KLHL32: variants seen among roughly 807,000 people sequenced by gnomAD.
KLHL32 encodes kelch-like protein 32.
In KLHL32, 35 loss-of-function variants were observed where a neutral mutation model predicts 64.8. That is an observed-to-expected ratio of 0.54 (90% CI 0.41 to 0.72). KLHL32 has a LOEUF of 0.72. Among genes scored for constraint, KLHL32 ranks in the 30% least tolerant of loss-of-function variants. The pLI is 0.00. For missense variants in KLHL32, 589 were observed against 768.5 expected (o/e 0.77, Z 2.76); for synonymous variants, 259 against 281.0 (o/e 0.92, Z 0.78).
At chr6:97,042,179 GTTT>G in intron 4 of KLHL32, among the ~76,000 whole-genome samples, 1 of 152,302 alleles carries the variant, frequency 6.6e-6, no homozygotes, top group East Asian at 1.9e-4. Context: ...CAGACTGGAT[GTTT>G]AGCTCCCCTT....
At chr6:97,022,198 A>C (rs1782089209) in intron 3 of KLHL32, among the ~76,000 whole-genome samples, 1 of 150,942 alleles carries the variant, frequency 6.6e-6, no homozygotes, top group Admixed American at 6.6e-5. Flanking sequence ...ACTCTTATGC[A>C]GAATAACAGC....
intron 1 of KLHL32, among the ~76,000 whole-genome samples, chr6:96,929,063 A>AT (rs1769522265): frequency 6.6e-6 from 1 of 152,208 alleles, no homozygotes; most frequent in South Asian, 2.1e-4. Context: ...GAAATGTGAC[A>AT]AGCAAGTGGG....
At chr6:96,944,226 A>G (rs907755671) in intron 1 of KLHL32, among the ~76,000 whole-genome samples, 1 of 152,230 alleles carries the variant, frequency 6.6e-6, no homozygotes, top group Non-Finnish European at 1.5e-5. Flanking sequence ...AATGTTACCT[A>G]TGAGGCATGC....
At chr6:96,984,569 G>T (rs113960252) in intron 3 of KLHL32, among the ~76,000 whole-genome samples, 1,688 of 152,240 alleles carry the variant, frequency 0.011, 41 homozygotes, top group African/African-American at 0.039. Context: ...CCTGTATTGG[G>T]TGCATATATA....
At chr6:97,086,895 T>G (rs1036727060) in intron 6 of KLHL32, among the ~76,000 whole-genome samples, 6 of 152,222 alleles carry the variant, frequency 3.9e-5, no homozygotes, top group Non-Finnish European at 8.8e-5. Flanking sequence ...CTGCATTTAA[T>G]TTTTTCTAAC....
At chr6:97,006,311 C>A (rs900147963) in intron 3 of KLHL32, among the ~76,000 whole-genome samples, 2 of 151,812 alleles carry the variant, frequency 1.3e-5, no homozygotes, top group South Asian at 2.1e-4. Flanking sequence ...GTCTTTTTTG[C>A]CTGATACTAG....
At chr6:97,028,103 G>C (rs1004828486) in intron 3 of KLHL32, among the ~76,000 whole-genome samples, 2 of 152,090 alleles carry the variant, frequency 1.3e-5, no homozygotes, top group Admixed American at 1.3e-4. Flanking sequence ...TGCAAGGCGG[G>C]GAGGACTGAC....
chr6:96,929,801 C>G (rs1259581307), intron 1 of KLHL32, among the ~76,000 whole-genome samples: 1 of 152,052 alleles, frequency 6.6e-6, no homozygotes, highest in Non-Finnish European at 1.5e-5. Flanking sequence ...GGAAAAAAAA[C>G]AGTTTTGCAG....
chr6:96,968,539 G>A (rs145130949), intron 2 of KLHL32, among the ~76,000 whole-genome samples: 1 of 152,224 alleles, frequency 6.6e-6, no homozygotes, highest in East Asian at 1.9e-4. Flanking sequence ...TGGCTACCAG[G>A]ATCAGTGTGC....
At chr6:96,997,368 C>G (rs1247341577) in intron 3 of KLHL32, among the ~76,000 whole-genome samples, 1 of 152,084 alleles carries the variant, frequency 6.6e-6, no homozygotes, top group Non-Finnish European at 1.5e-5. Flanking sequence ...AAACCCCTCT[C>G]CAGAATTTAT....
In KLHL32 at chr6:97,139,516, A is replaced by G. The variant is rs1800454418; in HGVS notation, c.*234A>G. ...TTTATTGTGGTATAGCTTAGTGCCA[A>G]TTTAAGGTATATTGTGTTCCATGGG... On this transcript the variant is annotated 3_prime_UTR_variant, in exon 11 of 11. Coordinates refer to ENST00000369261, the MANE Select transcript of KLHL32 (RefSeq NM_052904.4). 2 of 459,434 alleles carry G rather than the reference A, an allele frequency of 4.4e-6. No homozygotes were observed. The highest frequency in any genetic ancestry group is 4.0e-5 in the African/African-American group (2 of 50,192). 28.5% of individuals were successfully genotyped at this position (459,434 alleles called of 1,614,324 possible). A position where few individuals can be genotyped will look rare whatever the true frequency, so the allele number is the denominator to read the frequency against.
chr6:96,993,110 C>G (rs186729554), intron 3 of KLHL32, among the ~76,000 whole-genome samples: 25 of 152,298 alleles, frequency 1.6e-4, no homozygotes, highest in African/African-American at 5.3e-4. Context: ...TAGGCTGAGC[C>G]CTATGGAGCT....
intron 6 of KLHL32, among the ~76,000 whole-genome samples, chr6:97,102,530 AT>A (rs1795861849): frequency 2.6e-5 from 4 of 152,108 alleles, no homozygotes; most frequent in Admixed American, 2.6e-4. Context: ...CTATCATTTT[AT>A]TTAGAAGTCT....
intron 4 of KLHL32, among the ~76,000 whole-genome samples, chr6:97,045,461 G>A (rs1056529649): frequency 3.3e-5 from 5 of 151,122 alleles, no homozygotes; most frequent in African/African-American, 9.8e-5. Flanking sequence ...CTTCACAGGT[G>A]TGCCATGGGA....
chr6:96,999,213 T>C (rs1355310262), intron 3 of KLHL32, among the ~76,000 whole-genome samples: 1 of 152,070 alleles, frequency 6.6e-6, no homozygotes, highest in East Asian at 1.9e-4. Context: ...CTATGCGACA[T>C]AGGGACACCC....
chr6:96,909,064 G>A, the KLHL32 span, among the ~76,000 whole-genome samples: 2 of 152,116 alleles, frequency 1.3e-5, no homozygotes, highest in African/African-American at 4.8e-5. Flanking sequence ...CAGCAGAAGG[G>A]CTAAGATGCT....
At chr6:96,903,360 G>A in the KLHL32 span, among the ~76,000 whole-genome samples, 2 of 151,858 alleles carry the variant, frequency 1.3e-5, no homozygotes, top group East Asian at 1.9e-4. Flanking sequence ...TAACACAATC[G>A]AATAGAAAAG....
chr6:96,963,779 A>T (rs932179065), intron 1 of KLHL32, among the ~76,000 whole-genome samples: 22 of 152,324 alleles, frequency 1.4e-4, no homozygotes, highest in Non-Finnish European at 2.9e-4. Flanking sequence ...CACCAAAATA[A>T]TATTGCCATT....
At chr6:97,064,521 A>G (rs1169129325) in intron 4 of KLHL32, 107 bp from the exon 5 acceptor site, 11 of 720,080 alleles carry the variant, frequency 1.5e-5, no homozygotes, top group Non-Finnish European at 2.1e-5. Context: ...ATTGAAATAG[A>G]GTACGTAAAG....
Sources: allele counts gnomAD v4.1 joint callset (sites outside exome capture counted in the v4.1 genomes callset), GRCh38; gene constraint gnomAD v4.1.1; transcripts MANE v1.5; gene names NCBI Gene and HGNC (gene_info 2026-07-23, HGNC 2026-07-21).